APPL1: variants seen among roughly 807,000 people sequenced by gnomAD.
The protein encoded by APPL1 is adaptor protein, phosphotyrosine interacting with PH domain and leucine zipper 1, also known as DCC-interacting protein 13-alpha.
A neutral mutation model predicts 106.8 loss-of-function variants in APPL1; 42 were observed. The ratio of observed to expected loss-of-function variants is 0.39; its 90% confidence interval spans 0.31 to 0.51. The LOEUF (loss-of-function observed/expected upper bound fraction) is 0.51, where lower values mean the gene tolerates loss of function less well. Among genes scored for constraint, APPL1 ranks in the 20% least tolerant of loss-of-function variants. The pLI is 0.75. For synonymous variants in APPL1, 263 were observed against 281.8 expected, an observed-to-expected ratio of 0.93 and a Z score of 0.67; for missense variants, 769 against 858.2, an observed-to-expected ratio of 0.90 and a Z score of 1.30.
chr3:57,242,737 T>C, intron 6 of APPL1, 119 bp from the exon 7 acceptor site: 5 of 716,150 alleles, frequency 7.0e-6, no homozygotes, highest in Non-Finnish European at 2.4e-6. Flanking sequence ...AGTGGTCATG[T>C]GGTAGGAAAT....
chr3:57,256,921 A>G (rs535508040), intron 13 of APPL1, 36 bp from the exon 14 acceptor site: 3 of 1,565,190 alleles, frequency 1.9e-6, no homozygotes, highest in African/African-American at 1.4e-5. Flanking sequence ...TGCTTACTTT[A>G]CTAATATTAG....
In APPL1 at chr3:57,242,884, C is replaced by T; in HGVS notation, c.444C>T (p.Ser148=). 1 of 1,611,320 alleles carries T rather than the reference C, an allele frequency of 6.2e-7. No individual in the cohort carries two copies. The highest frequency in any genetic ancestry group is 1.1e-5 in the South Asian group (1 of 90,934). The change falls in exon 7 of 22, where the codon AGC becomes AGT. Residue 148 remains serine (S), a synonymous_variant. Transcript: ENST00000288266. ...ATGATGCTGCGATTAATAGATATAG[C>T]CGTTTATCAAAAAAAAGAGAAAATG... ...NDHDAAINRY[S]RLSKKRENDK...
At position 57,249,393 on chromosome 3, in the gene APPL1, A is replaced by G. The variant is rs753501940; in HGVS notation, c.897A>G (p.Arg299=). 1.2e-6 allele frequency: 2 copies of G among 1,614,204 alleles called. No homozygotes were observed. The highest frequency in any genetic ancestry group is 1.7e-6 in the Non-Finnish European group (2 of 1,180,044). The part of the protein sequence containing the change: ...KTGLVSSTWD[R]QFYFTQGGNL... ...GCTTGGTGTCATCTACCTGGGACAGACAGTTTTACTTCACGCAGGGTGGAA... is the reference window on the plus strand; with the variant it reads ...GCTTGGTGTCATCTACCTGGGACAGGCAGTTTTACTTCACGCAGGGTGGAA... Residue 299 remains arginine (R), a synonymous_variant, in exon 11 of 22, where the codon AGA becomes AGG. Coordinates refer to ENST00000288266, the MANE Select transcript of APPL1 (RefSeq NM_012096.3).
chr3:57,254,026 C>A (rs1395171461), intron 13 of APPL1, among the ~76,000 whole-genome samples: 2 of 152,174 alleles, frequency 1.3e-5, no homozygotes, highest in Non-Finnish European at 2.9e-5. Context: ...TGACACCCAG[C>A]TAATTTTTGT....
intron 8 of APPL1, 40 bp downstream of exon 8, chr3:57,246,262 A>T: frequency 7.1e-7 from 1 of 1,417,208 alleles, no homozygotes; most frequent in Non-Finnish European, 9.3e-7. Context: ...CTGTCCTAAA[A>T]GTTTTATATT....
In APPL1 at chr3:57,257,122, T is replaced by G. The variant is rs2060841226; in HGVS notation, c.1247+71T>G. 4 of 1,569,890 alleles carry G rather than the reference T, an allele frequency of 2.5e-6. No homozygotes were observed. The East Asian group carries it at 9.0e-5, about 35-fold the overall frequency. On this transcript the variant is annotated intron_variant, in intron 14 of 21. Transcript: ENST00000288266. ...AAAGTATCTGTGATCTGGGATTATG[T>G]TTGTACTGAAACTTAAGACTTCTCA... is the stretch of plus-strand genomic sequence containing the variant.
chr3:57,248,816 G>A (rs760557937), intron 10 of APPL1, among the ~76,000 whole-genome samples: 1 of 151,650 alleles, frequency 6.6e-6, no homozygotes, highest in Non-Finnish European at 1.5e-5. Flanking sequence ...GTTGTGGTGA[G>A]CCGAGATCCC....
chr3:57,263,918 G>C (rs1469782083), intron 19 of APPL1, among the ~76,000 whole-genome samples: 5 of 152,092 alleles, frequency 3.3e-5, no homozygotes, highest in Non-Finnish European at 7.3e-5. Context: ...CAGTGGGATT[G>C]CTGGATCATA....
At chr3:57,229,619 C>T (rs1315111585) in intron 1 of APPL1, among the ~76,000 whole-genome samples, 11 of 151,416 alleles carry the variant, frequency 7.3e-5, no homozygotes, top group Admixed American at 3.3e-4. Context: ...GCACTGTGTC[C>T]TGGAACACCT....
intron 6 of APPL1, among the ~76,000 whole-genome samples, 154 bp downstream of exon 6, chr3:57,242,296 T>A (rs1243651656): frequency 6.6e-6 from 1 of 152,182 alleles, no homozygotes; most frequent in African/African-American, 2.4e-5. Context: ...ATTACACTGT[T>A]TATACAGTGT....
At chr3:57,254,572 GA>G (rs906546719) in intron 13 of APPL1, among the ~76,000 whole-genome samples, 1 of 152,024 alleles carries the variant, frequency 6.6e-6, no homozygotes, top group Non-Finnish European at 1.5e-5. Flanking sequence ...GCAGATAAGA[GA>G]AAAAAAGAAT....
chr3:57,269,443 T>C, intron 21 of APPL1, 98 bp from the exon 22 acceptor site: 1 of 1,151,022 alleles, frequency 8.7e-7, no homozygotes, highest in Non-Finnish European at 1.2e-6. Flanking sequence ...TACATATTTA[T>C]GACAGAAGAA....
chr3:57,257,015 T>C lies in APPL1; in HGVS notation c.1211T>C (p.Phe404Ser), dbSNP rs551487628. The C allele has an allele frequency of 6.2e-7, 1 of 1,614,158 alleles. No homozygotes were observed. The highest frequency in any genetic ancestry group is 8.5e-7 in the Non-Finnish European group (1 of 1,180,038). The change falls in exon 14 of 22, where the codon TTC becomes TCC. Residue 404 changes from phenylalanine to serine, a missense_variant. Physicochemically the swap from Phe to Ser is radical, Grantham distance 155 (BLOSUM62 -2). Coordinates refer to ENST00000288266, the MANE Select transcript of APPL1 (RefSeq NM_012096.3). ...ALEAVTPSPSFQQRHESLRPA... is the reference protein window; with the variant it reads ...ALEAVTPSPSSQQRHESLRPA... ...GAAGCTGTCACTCCTTCCCCATCTT[T>C]CCAGCAGAGGCACGAGAGCCTGCGG...
At chr3:57,240,003 A>G (rs2060736685) in intron 4 of APPL1, among the ~76,000 whole-genome samples, 1 of 152,102 alleles carries the variant, frequency 6.6e-6, no homozygotes, top group Non-Finnish European at 1.5e-5. Context: ...TTATCTTTGA[A>G]GAAATTATAT....
At chr3:57,250,444 A>G (rs1423799025) in intron 11 of APPL1, among the ~76,000 whole-genome samples, 1 of 152,166 alleles carries the variant, frequency 6.6e-6, no homozygotes, top group South Asian at 2.1e-4. Context: ...CCAGGCTTCT[A>G]TTACCTTTGC....
intron 21 of APPL1, chr3:57,268,962 C>G (rs1174512322): frequency 6.5e-6 from 1 of 152,830 alleles, no homozygotes. Context: ...ATTAAATGAT[C>G]CATGAAATTG....
Position 57,248,316 on chromosome 3 carries a change from T to C in APPL1, c.828T>C (p.Asn276=). 1 of 1,614,170 alleles carries C rather than the reference T, an allele frequency of 6.2e-7. No individual in the cohort carries two copies. The highest frequency in any genetic ancestry group is 8.5e-7 in the Non-Finnish European group (1 of 1,180,032). Residue 276 remains asparagine (N), a synonymous_variant, in exon 10 of 22, where the codon AAT becomes AAC. Coordinates refer to ENST00000288266, the MANE Select transcript of APPL1 (RefSeq NM_012096.3). ...PDPTKFPVNR[N]LTRKAGYLNA... Reference sequence around the variant, plus strand: ...CCACCAAATTTCCTGTTAATCGAAATTTAACCCGAAAGGCTGGATACCTTA... The same window carrying C: ...CCACCAAATTTCCTGTTAATCGAAACTTAACCCGAAAGGCTGGATACCTTA...
chr3:57,227,961 G>T, intron 1 of APPL1, 24 bp downstream of exon 1: 1 of 1,421,380 alleles, frequency 7.0e-7, no homozygotes, highest in Non-Finnish European at 9.3e-7. Flanking sequence ...GCTGGTGGGC[G>T]ACGAGGGAGA....
In APPL1 at chr3:57,235,532, A is replaced by G. The variant is rs1443899785; in HGVS notation, c.55-34A>G. 3 of 1,367,370 alleles carry G rather than the reference A, an allele frequency of 2.2e-6. 1 individual carries two copies. The South Asian group carries it at 3.8e-5, about 17-fold the overall frequency. The allele number at this position is 1,367,370 out of a possible 1,614,324, so 84.7% of individuals were successfully genotyped here. ...ATTTTTCCATCTGATTTGTATAATG[A>G]TTAACATAAACTTATTGCTATTGTT... On this transcript the variant is annotated intron_variant, in intron 1 of 21. Coordinates refer to ENST00000288266, the MANE Select transcript of APPL1 (RefSeq NM_012096.3).
Sources: allele counts gnomAD v4.1 joint callset (sites outside exome capture counted in the v4.1 genomes callset), GRCh38; gene constraint gnomAD v4.1.1; transcripts MANE v1.5; gene names NCBI Gene and HGNC (gene_info 2026-07-23, HGNC 2026-07-21).